The following ASIC2 variants were observed in gnomAD, a reference collection of about 807,000 sequenced individuals.
The protein encoded by ASIC2 is acid sensing ion channel subunit 2, also known as acid-sensing ion channel 2.
In ASIC2, 25 loss-of-function variants were observed where a neutral mutation model predicts 57.3. The ratio of observed to expected loss-of-function variants is 0.44; its 90% CI spans 0.32 to 0.61. The LOEUF (loss-of-function observed/expected upper bound fraction) is 0.61, where lower values mean the gene tolerates loss of function less well. Among genes scored for constraint, ASIC2 ranks in the 20% least tolerant of loss-of-function variants. ASIC2 has a pLI of 0.06. For missense variants in ASIC2, 641 were observed against 738.1 expected, an observed-to-expected ratio of 0.87 and a Z score of 1.52; for synonymous variants, 319 against 307.5, an observed-to-expected ratio of 1.04 and a Z score of -0.39.
chr17:33,804,810 G>A (rs578004047), intron 1 of ASIC2, among the ~76,000 whole-genome samples: 40 of 152,176 alleles, frequency 2.6e-4, no homozygotes, highest in Non-Finnish European at 2.9e-5. Context: ...CTTTAGACCT[G>A]ACAACAGATT....
intron 1 of ASIC2, among the ~76,000 whole-genome samples, chr17:34,015,066 G>GT (rs1906900847): frequency 1.4e-5 from 2 of 139,550 alleles, no homozygotes; most frequent in African/African-American, 5.4e-5. Flanking sequence ...TCTTTCTTCT[G>GT]CCTTTTTTTT....
chr17:33,621,496 C>G (rs1362051952), intron 1 of ASIC2, among the ~76,000 whole-genome samples: 1 of 152,204 alleles, frequency 6.6e-6, no homozygotes, highest in Non-Finnish European at 1.5e-5. Flanking sequence ...CCAGTGTACG[C>G]TGGTTCATCC....
chr17:33,682,909 C>T (rs1908054204), intron 1 of ASIC2, among the ~76,000 whole-genome samples: 1 of 152,240 alleles, frequency 6.6e-6, no homozygotes, highest in Non-Finnish European at 1.5e-5. Flanking sequence ...AGCACTTCAA[C>T]ATCTGCCCAC....
At chr17:33,223,059 C>T (rs773558710) in intron 1 of ASIC2, among the ~76,000 whole-genome samples, 4 of 152,206 alleles carry the variant, frequency 2.6e-5, no homozygotes, top group African/African-American at 4.8e-5. Flanking sequence ...TTCAGAAAAA[C>T]GCTTTGATGT....
At chr17:33,762,125 G>C (rs1251761083) in intron 1 of ASIC2, among the ~76,000 whole-genome samples, 1 of 152,150 alleles carries the variant, frequency 6.6e-6, no homozygotes, top group Non-Finnish European at 1.5e-5. Context: ...AGCGAACTCA[G>C]CAGGTGCTGA....
intron 1 of ASIC2, among the ~76,000 whole-genome samples, chr17:33,318,483 C>T (rs770519407): frequency 3.3e-5 from 5 of 152,194 alleles, no homozygotes; most frequent in South Asian, 2.1e-4. Context: ...TGCCTCCCTG[C>T]TGCCCTCCCT....
chr17:33,579,455 A>C (rs575536906), intron 1 of ASIC2, among the ~76,000 whole-genome samples: 1 of 152,078 alleles, frequency 6.6e-6, no homozygotes, highest in South Asian at 2.1e-4. Context: ...GTACCCATCC[A>C]GTTTATTCAT....
chr17:33,482,824 C>A (rs1386483452), intron 1 of ASIC2, among the ~76,000 whole-genome samples: 1 of 152,214 alleles, frequency 6.6e-6, no homozygotes, highest in Non-Finnish European at 1.5e-5. Context: ...CTCTCGGACA[C>A]ACCTGTTCAA....
At chr17:33,679,676 C>A (rs1907938435) in intron 1 of ASIC2, among the ~76,000 whole-genome samples, 1 of 152,128 alleles carries the variant, frequency 6.6e-6, no homozygotes, top group Non-Finnish European at 1.5e-5. Context: ...CCCAGGAAAG[C>A]CTCCTGAGAA....
At chr17:33,836,477 C>G (rs1913278765) in intron 1 of ASIC2, among the ~76,000 whole-genome samples, 1 of 152,104 alleles carries the variant, frequency 6.6e-6, no homozygotes, top group Admixed American at 6.5e-5. Context: ...CCTCTGGGCC[C>G]AGCCTACTCT....
At chr17:33,872,012 C>A (rs1437713845) in intron 1 of ASIC2, among the ~76,000 whole-genome samples, 4 of 152,110 alleles carry the variant, frequency 2.6e-5, no homozygotes, top group African/African-American at 9.7e-5. Flanking sequence ...TCTCTCCTCC[C>A]ACTTGCAGGC....
At chr17:33,177,247 A>T (rs1030399362) in intron 1 of ASIC2, among the ~76,000 whole-genome samples, 2 of 152,186 alleles carry the variant, frequency 1.3e-5, no homozygotes, top group Non-Finnish European at 2.9e-5. Context: ...ATTGAAAACC[A>T]AGGAAGAGTT....
chr17:33,080,110 G>A (rs951789958), intron 3 of ASIC2, among the ~76,000 whole-genome samples: 1 of 152,122 alleles, frequency 6.6e-6, no homozygotes, highest in African/African-American at 2.4e-5. Context: ...AAAGGATGCT[G>A]TAACCTGGGA....
At chr17:33,053,675 A>G (rs1310102433) in intron 3 of ASIC2, among the ~76,000 whole-genome samples, 2 of 152,120 alleles carry the variant, frequency 1.3e-5, no homozygotes, top group African/African-American at 4.8e-5. Context: ...CTCTCTGGTA[A>G]AATCCAAAAT....
intron 1 of ASIC2, among the ~76,000 whole-genome samples, chr17:33,647,575 A>AC (rs771568612): frequency 3.7e-4 from 56 of 152,224 alleles, no homozygotes; most frequent in South Asian, 4.2e-4. Flanking sequence ...ACCCCAGGTT[A>AC]CCCACTCTGA....
chr17:33,631,571 G>A (rs1386485878), intron 1 of ASIC2, among the ~76,000 whole-genome samples: 1 of 152,116 alleles, frequency 6.6e-6, no homozygotes, highest in Non-Finnish European at 1.5e-5. Context: ...AAATGTTGCC[G>A]GGAAGATGGA....
intron 1 of ASIC2, among the ~76,000 whole-genome samples, chr17:34,141,557 A>C (rs936295679): frequency 4.6e-5 from 7 of 152,266 alleles, no homozygotes; most frequent in Admixed American, 3.9e-4. Context: ...GAATGTCTAG[A>C]CTGGGTATTA....
chr17:33,744,999 A>T (rs1567704100), intron 1 of ASIC2, among the ~76,000 whole-genome samples: 8 of 152,276 alleles, frequency 5.3e-5, no homozygotes, highest in African/African-American at 1.9e-4. Context: ...AGATTATTCA[A>T]TCCAAAGAAC....
intron 1 of ASIC2, among the ~76,000 whole-genome samples, chr17:33,304,446 TAA>T (rs1190276506): frequency 2.6e-5 from 4 of 152,234 alleles, no homozygotes; most frequent in Non-Finnish European, 5.9e-5. Flanking sequence ...TCTGTCTCTA[TAA>T]AGTGTTCTTA....
Sources: gnomAD v4.1 joint callset for allele counts (sites outside exome capture counted in the v4.1 genomes callset) on GRCh38, gnomAD v4.1.1 for gene constraint, MANE v1.5 for transcripts, NCBI Gene and HGNC (gene_info 2026-07-23, HGNC 2026-07-21) for gene names.